The following RAB3GAP1 variants were observed in gnomAD, a reference collection of about 807,000 sequenced individuals.
RAB3GAP1 encodes the protein RAB3 GTPase activating protein catalytic subunit 1.
A neutral mutation model predicts 130.7 loss-of-function variants in RAB3GAP1; 86 were observed. The observed-to-expected ratio is 0.66, with a 90% CI of 0.55 to 0.79. RAB3GAP1 has a LOEUF of 0.79. RAB3GAP1 is among the 30% of genes least tolerant of loss of function. RAB3GAP1 has a pLI of 0.00. For synonymous variants in RAB3GAP1, 367 were observed against 401.7 expected, an observed-to-expected ratio of 0.91 and a Z score of 1.03; for missense variants, 1,029 against 1,169.4, an observed-to-expected ratio of 0.88 and a Z score of 1.75.
At chr2:135,115,517 T>A in intron 7 of RAB3GAP1, 136 bp downstream of exon 7, 1 of 842,998 alleles carries the variant, frequency 1.2e-6, no homozygotes, top group Non-Finnish European at 1.8e-6. Flanking sequence ...TATAAGTGAC[T>A]ACATAAATTA....
chr2:135,103,686 C>T (rs1690515120), intron 5 of RAB3GAP1, among the ~76,000 whole-genome samples: 1 of 152,144 alleles, frequency 6.6e-6, no homozygotes, highest in African/African-American at 2.4e-5. Context: ...CATGAAAATA[C>T]CACCTCTGTT....
At chr2:135,163,850 ATTTGCTGTC>A (rs1162353661) in intron 22 of RAB3GAP1, among the ~76,000 whole-genome samples, 1 of 152,226 alleles carries the variant, frequency 6.6e-6, no homozygotes, top group Non-Finnish European at 1.5e-5. Context: ...ATGGCAAGGC[ATTTGCTGTC>A]TTTTAACAAG....
Position 135,135,869 on chromosome 2 carries a change from C to G in RAB3GAP1, c.1860C>G (p.Leu620=). 1 of 1,614,116 alleles carries G rather than the reference C, an allele frequency of 6.2e-7. No homozygotes were observed. Among genetic ancestry groups the G allele is most frequent in the Non-Finnish European group, 8.5e-7 (1 of 1,179,932 alleles). ...CAAATTTAAGGCCGGAAGGACGGCT[C>G]TATCAGCATGGGAAACTTACACTGC... ...EMANLRPEGR[L]YQHGKLTLLH... is the part of the protein sequence containing the mutation. The change falls in exon 17 of 24, where the codon CTC becomes CTG. Residue 620 remains leucine, a synonymous_variant. Transcript: ENST00000264158.
chr2:135,068,498 A>G (rs1355454092), intron 3 of RAB3GAP1, among the ~76,000 whole-genome samples: 1 of 152,108 alleles, frequency 6.6e-6, no homozygotes, highest in East Asian at 1.9e-4. Flanking sequence ...CACGCCTGTA[A>G]TCCCATCACT....
chr2:135,103,035 ATTTT>A (rs539310402), intron 5 of RAB3GAP1, among the ~76,000 whole-genome samples: 2 of 90,910 alleles, frequency 2.2e-5, no homozygotes, highest in South Asian at 4.2e-4. Flanking sequence ...CATTTTTGTG[ATTTT>A]TTTTTTTTTT....
intron 5 of RAB3GAP1, among the ~76,000 whole-genome samples, chr2:135,099,004 GC>G (rs1321932047): frequency 1.3e-5 from 2 of 151,620 alleles, no homozygotes; most frequent in African/African-American, 4.8e-5. Context: ...TAATCTCTGT[GC>G]TTTTTTAAAA....
At chr2:135,103,327 G>A (rs756299770) in intron 5 of RAB3GAP1, among the ~76,000 whole-genome samples, 37 of 152,150 alleles carry the variant, frequency 2.4e-4, no homozygotes, top group Admixed American at 4.6e-4. Context: ...ACGAGCCACC[G>A]TGCCCAGCCT....
chr2:135,073,143 A>G (rs564913336), intron 3 of RAB3GAP1, among the ~76,000 whole-genome samples: 1 of 152,348 alleles, frequency 6.6e-6, no homozygotes, highest in African/African-American at 2.4e-5. Flanking sequence ...GGTGTGGAAT[A>G]TTTAGACATT....
rs189548255 is a variant in RAB3GAP1, at chr2:135,092,174, C to T, written c.283+1044C>T. On this transcript the variant is annotated intron_variant, in intron 4 of 23. Coordinates refer to ENST00000264158, the MANE Select transcript of RAB3GAP1 (RefSeq NM_012233.3). ...TATACAGCAAAAGAAAATAATTAAG[C>T]CAGAATGTGAATATGAGAACTTTAA... Among the ~76,000 whole-genome samples, 301 of 152,116 alleles carry T rather than the reference C, an allele frequency of 2.0e-3. 1 individual carries two copies. Among genetic ancestry groups the T allele is most frequent in the Admixed American group, 3.4e-3 (52 of 15,272 alleles).
At chr2:135,157,831 C>CAAA (rs58810979) in intron 19 of RAB3GAP1, among the ~76,000 whole-genome samples, 3 of 87,170 alleles carry the variant, frequency 3.4e-5, no homozygotes, top group Non-Finnish European at 8.7e-5. Flanking sequence ...GAATCCATCT[C>CAAA]AAAAAAAAAA....
At chr2:135,171,094 G>C (rs528957479), downstream of RAB3GAP1, among the ~76,000 whole-genome samples, 1 of 151,844 alleles carries the variant, frequency 6.6e-6, no homozygotes, top group South Asian at 2.1e-4. Flanking sequence ...GGCAGAAAGC[G>C]TATTACAAGC....
chr2:135,107,176 T>C (rs1690652599), intron 5 of RAB3GAP1, among the ~76,000 whole-genome samples: 1 of 151,570 alleles, frequency 6.6e-6, no homozygotes, highest in African/African-American at 2.4e-5. Flanking sequence ...GATGAAATAA[T>C]GACATTCTTA....
rs142826240 is a variant in RAB3GAP1, at chr2:135,082,544, G to A, written c.151-8454G>A. Among the ~76,000 whole-genome samples, 42 of 151,116 alleles carry A rather than the reference G, an allele frequency of 2.8e-4. 3 individuals carry two copies. Among genetic ancestry groups the A allele is most frequent in the African/African-American group, 9.2e-4 (38 of 41,122 alleles). On this transcript the variant is annotated intron_variant, in intron 3 of 23. Coordinates refer to ENST00000264158, the MANE Select transcript of RAB3GAP1 (RefSeq NM_012233.3). ...CAACCTTCGCCTCTTGGTTTCAAAC[G>A]ATTCTCCTGCCTCAGCCTTCCAAGT...
intron 3 of RAB3GAP1, among the ~76,000 whole-genome samples, chr2:135,088,547 G>A (rs1690050310): frequency 6.6e-6 from 1 of 151,984 alleles, no homozygotes; most frequent in South Asian, 2.1e-4. Context: ...AAATTAGCCA[G>A]GCGTGGTGGT....
At chr2:135,091,163 T>C in intron 4 of RAB3GAP1, 33 bp downstream of exon 4, 1 of 1,519,186 alleles carries the variant, frequency 6.6e-7, no homozygotes, top group Non-Finnish European at 9.1e-7. Flanking sequence ...TATTAACTTC[T>C]GATTTGTAGG....
Position 135,093,669 on chromosome 2 carries a change from C to G in RAB3GAP1, c.338C>G (p.Pro113Arg), listed in dbSNP as rs1252920767. Residue 113 changes from proline (P) to arginine (R), a missense_variant, in exon 5 of 24, where the codon CCA (proline) becomes CGA (arginine). Pro to Arg is a moderately radical substitution (Grantham distance 103). Coordinates refer to ENST00000264158, the MANE Select transcript of RAB3GAP1 (RefSeq NM_012233.3). The part of the protein sequence containing the change: ...DLLGMNNDFP[P>R]RAHCLVRWYG... ...CTGGGTATGAATAATGACTTTCCTC[C>G]AAGAGCACATTGCCTGGTAAGATGG... The G allele has an allele frequency of 1.2e-6, 2 of 1,612,922 alleles. No individual in the cohort carries two copies. Among genetic ancestry groups the G allele is most frequent in the African/African-American group, 2.7e-5 (2 of 75,036 alleles).
chr2:135,081,453 C>T (rs1689819799), intron 3 of RAB3GAP1, among the ~76,000 whole-genome samples: 1 of 143,530 alleles, frequency 7.0e-6, no homozygotes, highest in African/African-American at 2.6e-5. Context: ...TAGCAAATCT[C>T]CATAACAATA....
At position 135,170,529 on chromosome 2, in the gene RAB3GAP1, CAG is replaced by C. The variant is rs1435307085; in HGVS notation, c.*1750_*1751del. On this transcript the variant is annotated 3_prime_UTR_variant, in exon 24 of 24. Transcript: ENST00000264158. Reference sequence around the variant, plus strand: ...TACAGTACAAGCAATGAAGATAAAACAGAAACCAAAACACACTCCCTTACAGG... The same window carrying C: ...TACAGTACAAGCAATGAAGATAAAACAAACCAAAACACACTCCCTTACAGG... 1.3e-5 allele frequency: 2 copies of C among 152,204 alleles called. No homozygotes were observed. Among genetic ancestry groups the C allele is most frequent in the African/African-American group, 2.4e-5 (1 of 41,448 alleles). The allele number at this position is 152,204 out of a possible 1,614,324, so 9.4% of individuals were successfully genotyped here.
intron 14 of RAB3GAP1, 96 bp from the exon 15 acceptor site, chr2:135,133,765 A>G: frequency 1.8e-6 from 2 of 1,097,570 alleles, no homozygotes; most frequent in South Asian, 1.3e-5. Context: ...GGATAGGTTA[A>G]TTTTACAATT....
Sources: allele counts gnomAD v4.1 joint callset (sites outside exome capture counted in the v4.1 genomes callset), GRCh38; gene constraint gnomAD v4.1.1; transcripts MANE v1.5; gene names NCBI Gene and HGNC (gene_info 2026-07-23, HGNC 2026-07-21).